Variants in SPATS2L observed in about 807,000 individuals in gnomAD.
SPATS2L encodes spermatogenesis associated serine rich 2 like.
Under a neutral mutation model 59.6 loss-of-function variants are expected in SPATS2L, and 30 were observed. That is an observed-to-expected ratio of 0.50 (90% CI 0.38 to 0.68). The LOEUF (loss-of-function observed/expected upper bound fraction) is 0.68. Among genes scored for constraint, SPATS2L ranks in the 30% least tolerant of loss-of-function variants. The pLI is 0.00. For missense variants in SPATS2L, 615 were observed against 700.0 expected, an observed-to-expected ratio of 0.88 and a Z score of 1.37; for synonymous variants, 252 against 263.5, an observed-to-expected ratio of 0.96 and a Z score of 0.42.
chr2:200,311,109 A>T (rs1198067647), intron 1 of SPATS2L, among the ~76,000 whole-genome samples: 3 of 152,206 alleles, frequency 2.0e-5, no homozygotes, highest in Admixed American at 1.3e-4. Flanking sequence ...GATTTTTTTT[A>T]AATCATGGGC....
intron 6 of SPATS2L, among the ~76,000 whole-genome samples, chr2:200,425,524 C>A (rs995751860): frequency 2.0e-5 from 3 of 152,092 alleles, no homozygotes; most frequent in African/African-American, 7.2e-5. Flanking sequence ...GACAGGTTAA[C>A]CACTCTGCAT....
rs2087689758 is a variant in SPATS2L at position 200,478,359 on chromosome 2, T to C, written c.*328T>C. Reference sequence around the variant, plus strand: ...GTGTTGTAGCAGTGATGTCAGTCCATTGATTGTCTTTAGAGAGTTAATGTT... The same window carrying C: ...GTGTTGTAGCAGTGATGTCAGTCCACTGATTGTCTTTAGAGAGTTAATGTT... On this transcript the variant is annotated 3_prime_UTR_variant, in exon 13 of 13. Coordinates refer to ENST00000409140, the MANE Select transcript of SPATS2L (RefSeq NM_001100423.2). The C allele has an allele frequency of 4.9e-6, 1 of 204,642 alleles. No individual in the cohort carries two copies. The highest frequency in any genetic ancestry group is 5.9e-5 in the Admixed American group (1 of 16,900). The allele number at this position is 204,642 out of a possible 1,614,324, so 12.7% of individuals were successfully genotyped here.
chr2:200,354,969 A>T (rs2080863829), intron 2 of SPATS2L, among the ~76,000 whole-genome samples: 3 of 152,124 alleles, frequency 2.0e-5, no homozygotes, highest in Non-Finnish European at 2.9e-5. Flanking sequence ...AGGAAATGTC[A>T]ACCGTGAATG....
At chr2:200,377,661 C>T (rs1204084181) in intron 2 of SPATS2L, among the ~76,000 whole-genome samples, 2 of 152,158 alleles carry the variant, frequency 1.3e-5, no homozygotes, top group East Asian at 1.9e-4. Context: ...GGCTTTTTGC[C>T]GTTAAACTGA....
intron 7 of SPATS2L, 26 bp from the exon 8 acceptor site, chr2:200,440,623 A>G (rs1327036321): frequency 2.5e-6 from 4 of 1,604,974 alleles, no homozygotes; most frequent in African/African-American, 1.3e-5. Context: ...GCTCAAGTTA[A>G]TAATATTTTT....
At position 200,467,366 on chromosome 2, in the gene SPATS2L, G is replaced by T; in HGVS notation, c.924G>T (p.Glu308Asp). 6.2e-7 allele frequency: 1 copy of T among 1,614,032 alleles called. No homozygotes were observed. The highest frequency in any genetic ancestry group is 1.7e-5 in the Admixed American group (1 of 60,036). Residue 308 changes from glutamate to aspartate, a missense_variant, in exon 10 of 13, where the codon GAG becomes GAT. By Grantham distance (45) the Glu-to-Asp change is conservative (BLOSUM62 2). Coordinates refer to ENST00000409140, the MANE Select transcript of SPATS2L (RefSeq NM_001100423.2). The part of the protein sequence containing the change: ...RLTDLASQMA[E>D]MQLAELRAEI... ...CTGACCTTGCCAGTCAGATGGCAGAGATGCAGCTGGCCGAACTCAGGGCAG... is the reference window on the plus strand; with the variant it reads ...CTGACCTTGCCAGTCAGATGGCAGATATGCAGCTGGCCGAACTCAGGGCAG...
Position 200,416,439 on chromosome 2 carries a change from T to TA in SPATS2L, c.198+12dup. On this transcript the variant is annotated intron_variant, in intron 5 of 12. Transcript: ENST00000409140. ...ACAGGAAAAAAGAAGGTAAGATTAA[T>TA]ATTGATTGTAAATTGGTAACATCTT... 7.2e-7 allele frequency: 1 copy of TA among 1,381,332 alleles called. No individual in the cohort carries two copies. The highest frequency in any genetic ancestry group is 9.8e-7 in the Non-Finnish European group (1 of 1,017,034). 85.6% of individuals were successfully genotyped at this position (1,381,332 alleles called of 1,614,324 possible). A position where few individuals can be genotyped will look rare whatever the true frequency, so the allele number is the denominator to read the frequency against.
In SPATS2L at chr2:200,389,218, T is replaced by C. The variant is rs1381339762; in HGVS notation, c.-22-5T>C. Reference sequence around the variant, plus strand: ...AAAACTTAATCTTGTTTTCCTTCTTTATAGGGCCTATTCCACTAGAAGCAA... The same window carrying C: ...AAAACTTAATCTTGTTTTCCTTCTTCATAGGGCCTATTCCACTAGAAGCAA... On this transcript the variant is annotated splice_region_variant and splice_polypyrimidine_tract_variant and intron_variant, in intron 2 of 12. Coordinates refer to ENST00000409140, the MANE Select transcript of SPATS2L (RefSeq NM_001100423.2). 9 of 1,550,756 alleles carry C rather than the reference T, an allele frequency of 5.8e-6. No individual in the cohort carries two copies. In the Admixed American group the frequency reaches 1.3e-4, roughly 23 times the overall value.
chr2:200,330,713 G>A (rs2079911865), intron 2 of SPATS2L, among the ~76,000 whole-genome samples: 1 of 152,162 alleles, frequency 6.6e-6, no homozygotes, highest in Admixed American at 6.5e-5. Context: ...TGATTATTCT[G>A]CTGGAAGGCA....
intron 2 of SPATS2L, among the ~76,000 whole-genome samples, chr2:200,334,874 A>C (rs375019286): frequency 2.4e-4 from 37 of 152,166 alleles, no homozygotes; most frequent in East Asian, 2.3e-3. Context: ...TGATCTATAT[A>C]TCTGTTTTGG....
chr2:200,459,805 G>T lies in SPATS2L; in HGVS notation c.825G>T (p.Met275Ile). ...IDKEVSLMAE[M>I]DKVKEEAMEI... ...AAGAAGTTTCATTAATGGCAGAAAT[G>T]GATAAAGTTAAAGAAGAAGCCAGTA... The change falls in exon 9 of 13, where the codon ATG (methionine) becomes ATT (isoleucine). Residue 275 changes from methionine (M) to isoleucine (I), a missense_variant. Transcript: ENST00000409140. 1.2e-6 allele frequency: 2 copies of T among 1,612,450 alleles called. No homozygotes were observed. The highest frequency in any genetic ancestry group is 1.7e-6 in the Non-Finnish European group (2 of 1,179,142).
intron 2 of SPATS2L, among the ~76,000 whole-genome samples, chr2:200,348,691 C>T (rs1331787575): frequency 1.3e-5 from 2 of 152,036 alleles, no homozygotes; most frequent in Admixed American, 6.6e-5. Context: ...GCTCTAGGAG[C>T]CTCACTTCCC....
At chr2:200,424,947 G>T (rs111586455) in intron 6 of SPATS2L, among the ~76,000 whole-genome samples, 1 of 152,128 alleles carries the variant, frequency 6.6e-6, no homozygotes, top group East Asian at 1.9e-4. Context: ...TGACCTTCAC[G>T]AGCTGGACTG....
intron 2 of SPATS2L, among the ~76,000 whole-genome samples, chr2:200,376,291 A>G (rs2081596886): frequency 6.6e-6 from 1 of 152,218 alleles, no homozygotes. Context: ...ATTTTGTATT[A>G]CAGCTGGAAA....
At position 200,480,974 on chromosome 2, in the gene SPATS2L, T is replaced by G. The variant is rs1387982010; in HGVS notation, c.*2943T>G. ...TTATGAAGATGGAATAACTTCAAAC[T>G]CACATTGTGGCACTTAGATCTTCCA... On this transcript the variant is annotated 3_prime_UTR_variant, in exon 13 of 13. Coordinates refer to ENST00000409140, the MANE Select transcript of SPATS2L (RefSeq NM_001100423.2). 6.6e-6 allele frequency: 1 copy of G among 152,242 alleles called. No homozygotes were observed. The allele number at this position is 152,242 out of a possible 1,614,324, so 9.4% of individuals were successfully genotyped here.
chr2:200,387,972 T>C (rs2082043837), intron 2 of SPATS2L, among the ~76,000 whole-genome samples: 5 of 152,136 alleles, frequency 3.3e-5, no homozygotes, highest in Admixed American at 2.6e-4. Context: ...ACAGATCTTC[T>C]CAGAGGGGGC....
At chr2:200,331,547 G>A (rs2079942875) in intron 2 of SPATS2L, among the ~76,000 whole-genome samples, 1 of 152,178 alleles carries the variant, frequency 6.6e-6, no homozygotes. Context: ...CATTCTGCAA[G>A]GTAGTGTAGG....
intron 8 of SPATS2L, among the ~76,000 whole-genome samples, chr2:200,452,860 T>C (rs2085560892): frequency 6.6e-6 from 1 of 151,108 alleles, no homozygotes; most frequent in Non-Finnish European, 1.5e-5. Context: ...AATAAATCTT[T>C]AGAAGGACCA....
chr2:200,361,268 T>C (rs2081097958), intron 2 of SPATS2L, among the ~76,000 whole-genome samples: 1 of 151,888 alleles, frequency 6.6e-6, no homozygotes, highest in Admixed American at 6.6e-5. Flanking sequence ...ACCAACTTAA[T>C]GTCATGAGAG....
Sources: allele counts gnomAD v4.1 joint callset (sites outside exome capture counted in the v4.1 genomes callset), GRCh38; gene constraint gnomAD v4.1.1; transcripts MANE v1.5; gene names NCBI Gene and HGNC (gene_info 2026-07-23, HGNC 2026-07-21).